Variants in BAZ2B observed in about 807,000 individuals in gnomAD.
The protein encoded by BAZ2B is bromodomain adjacent to zinc finger domain 2B.
In BAZ2B, 91 loss-of-function variants were observed where a neutral mutation model predicts 246.0. That is an observed-to-expected ratio of 0.37 (90% CI 0.31 to 0.44). The LOEUF (loss-of-function observed/expected upper bound fraction) is 0.44, where lower values mean the gene tolerates loss of function less well. Among genes scored for constraint, BAZ2B ranks in the 20% least tolerant of loss-of-function variants. The pLI is 1.00. For synonymous variants in BAZ2B, 855 were observed against 860.0 expected (o/e 0.99, Z 0.10); for missense variants, 2,332 against 2,533.7 (o/e 0.92, Z 1.71).
Position 159,324,945 on chromosome 2 carries a change from C to T in BAZ2B, c.6219G>A (p.Leu2073=). 2 of 1,527,602 alleles carry T rather than the reference C, an allele frequency of 1.3e-6. No homozygotes were observed. Among genetic ancestry groups the T allele is most frequent in the Non-Finnish European group, 8.7e-7 (1 of 1,149,536 alleles). The allele number at this position is 1,527,602 out of a possible 1,614,324, so 94.6% of individuals were successfully genotyped here. Residue 2073 remains leucine (L), a synonymous_variant, in exon 36 of 37, where the codon CTG becomes CTA. Coordinates refer to ENST00000392783, the MANE Select transcript of BAZ2B (RefSeq NM_013450.4). ...CATCCTCATGAGTTTCCATTTCAGT[C>T]AGAATCATACTAAAGAAAATAATGT... ...SKDLALCSMI[L]TEMETHEDAW... is the part of the protein sequence containing the mutation.
chr2:159,587,356 A>G (rs1268375839), intron 1 of BAZ2B, among the ~76,000 whole-genome samples: 1 of 152,198 alleles, frequency 6.6e-6, no homozygotes, highest in Non-Finnish European at 1.5e-5. Context: ...CTGGGATTAC[A>G]GGCACGAGCC....
chr2:159,447,131 T>C (rs1426325070), intron 5 of BAZ2B, among the ~76,000 whole-genome samples, 156 bp from the exon 6 acceptor site: 1 of 152,202 alleles, frequency 6.6e-6, no homozygotes, highest in African/African-American at 2.4e-5. Context: ...ACATGAAATA[T>C]TCAGAGCAGG....
intron 1 of BAZ2B, among the ~76,000 whole-genome samples, chr2:159,587,795 T>C (rs944026834): frequency 6.6e-6 from 1 of 152,214 alleles, no homozygotes; most frequent in African/African-American, 2.4e-5. Flanking sequence ...AACCACGTTA[T>C]TCATCTCTGT....
chr2:159,375,220 G>T (rs903981149), intron 25 of BAZ2B, among the ~76,000 whole-genome samples: 2 of 151,878 alleles, frequency 1.3e-5, no homozygotes, highest in South Asian at 4.1e-4. Context: ...ACAAAACATA[G>T]CAAACCACAC....
At chr2:159,642,475 G>A in the BAZ2B span, among the ~76,000 whole-genome samples, 4 of 151,816 alleles carry the variant, frequency 2.6e-5, no homozygotes, top group African/African-American at 9.7e-5. Context: ...TGGCCCTCAA[G>A]TGATCCACCC....
At chr2:159,426,786 A>G (rs957661178) in intron 13 of BAZ2B, among the ~76,000 whole-genome samples, 5 of 152,134 alleles carry the variant, frequency 3.3e-5, no homozygotes, top group African/African-American at 1.2e-4. Context: ...AATTCCTTTA[A>G]GCTTCCAAAC....
chr2:159,482,957 G>T (rs1299203914), intron 2 of BAZ2B, among the ~76,000 whole-genome samples: 1 of 152,052 alleles, frequency 6.6e-6, no homozygotes, highest in Non-Finnish European at 1.5e-5. Flanking sequence ...TGACACCTAC[G>T]CTCCTATAAT....
intron 2 of BAZ2B, among the ~76,000 whole-genome samples, chr2:159,525,044 C>T (rs781262795): frequency 2.0e-5 from 3 of 152,026 alleles, no homozygotes; most frequent in Non-Finnish European, 4.4e-5. Flanking sequence ...ATACATGGAA[C>T]ATACTACCAT....
chr2:159,487,523 G>A (rs1302875771), intron 2 of BAZ2B, among the ~76,000 whole-genome samples: 1 of 152,080 alleles, frequency 6.6e-6, no homozygotes, highest in Non-Finnish European at 1.5e-5. Flanking sequence ...CTGTTCCCTG[G>A]TCTTTAATTT....
intron 27 of BAZ2B, among the ~76,000 whole-genome samples, chr2:159,352,674 C>T (rs973120503): frequency 6.6e-6 from 1 of 152,146 alleles, no homozygotes; most frequent in East Asian, 1.9e-4. Flanking sequence ...TTTGTAGAGA[C>T]GAGGTTTCAC....
intron 7 of BAZ2B, 89 bp downstream of exon 7, chr2:159,438,920 T>G (rs1298848560): frequency 6.4e-6 from 9 of 1,395,944 alleles, no homozygotes; most frequent in Non-Finnish European, 7.8e-6. Context: ...ATGATTAACT[T>G]TAAAACTACA....
chr2:159,698,461 A>G, the BAZ2B span, among the ~76,000 whole-genome samples: 45 of 148,010 alleles, frequency 3.0e-4, no homozygotes, highest in African/African-American at 1.1e-3. Flanking sequence ...CTGTGACTGC[A>G]CCACTGCACT....
chr2:159,704,345 C>A, the BAZ2B span, among the ~76,000 whole-genome samples: 3 of 152,192 alleles, frequency 2.0e-5, no homozygotes, highest in African/African-American at 7.2e-5. Context: ...AAGTTAACAT[C>A]ATTCCCAGGC....
At chr2:159,648,129 GTTTATTTA>G in the BAZ2B span, among the ~76,000 whole-genome samples, 1 of 151,712 alleles carries the variant, frequency 6.6e-6, no homozygotes, top group African/African-American at 2.4e-5. Context: ...CTATTTGTTT[GTTTATTTA>G]TTTATTTATT....
chr2:159,615,532 C>G (rs1695794990), intron 1 of BAZ2B: 1 of 152,204 alleles, frequency 6.6e-6, no homozygotes. Flanking sequence ...CCTCCAGCTA[C>G]ACACGGGAGA....
chr2:159,616,906 C>G (rs1696162220), upstream of BAZ2B: 1 of 152,064 alleles, frequency 6.6e-6, no homozygotes, highest in South Asian at 2.1e-4. Context: ...TGTTCCTAAA[C>G]TCAGAATTCT....
the BAZ2B span, among the ~76,000 whole-genome samples, chr2:159,628,200 C>T: frequency 7.2e-5 from 11 of 152,178 alleles, no homozygotes; most frequent in Non-Finnish European, 1.2e-4. Context: ...ACATTCTATG[C>T]TCATGGATAG....
chr2:159,315,736 A>G (rs1335889358), downstream of BAZ2B, among the ~76,000 whole-genome samples: 1 of 152,228 alleles, frequency 6.6e-6, no homozygotes, highest in African/African-American at 2.4e-5. Flanking sequence ...CATGGGCATG[A>G]ATACTAGAAG....
intron 3 of BAZ2B, chr2:159,461,316 T>C (rs1264394384): frequency 1.3e-5 from 2 of 152,636 alleles, no homozygotes; most frequent in Non-Finnish European, 2.9e-5. Context: ...CCTGCCAATA[T>C]ACCTGGGACA....
Sources: gnomAD v4.1 joint callset for allele counts (sites outside exome capture counted in the v4.1 genomes callset) on GRCh38, gnomAD v4.1.1 for gene constraint, MANE v1.5 for transcripts, NCBI Gene and HGNC (gene_info 2026-07-23, HGNC 2026-07-21) for gene names.